Variants in FBXO34 observed in about 807,000 individuals in gnomAD.
FBXO34 encodes F-box protein 34.
Under a neutral mutation model 24.5 loss-of-function variants are expected in FBXO34, and 12 were observed. That is an observed-to-expected ratio of 0.49 (90% CI 0.31 to 0.79). FBXO34 has a LOEUF of 0.79. Among genes scored for constraint, FBXO34 ranks in the 30% least tolerant of loss-of-function variants. FBXO34 has a pLI of 0.04. For synonymous variants in FBXO34, 320 were observed against 311.9 expected (o/e 1.03, Z -0.27); for missense variants, 823 against 857.7 (o/e 0.96, Z 0.51).
the FBXO34 span, chr14:55,378,116 G>A: frequency 6.4e-7 from 1 of 1,552,754 alleles, no homozygotes; most frequent in African/African-American, 1.4e-5. Flanking sequence ...CATTTTTTGA[G>A]GAAATTCTAT....
the FBXO34 span, among the ~76,000 whole-genome samples, chr14:55,405,464 T>G: frequency 1.3e-5 from 2 of 152,228 alleles, no homozygotes; most frequent in Non-Finnish European, 2.9e-5. Flanking sequence ...AATTATAAAG[T>G]AGTATCTATA....
At chr14:55,435,854 T>G in the FBXO34 span, 1 of 1,564,070 alleles carries the variant, frequency 6.4e-7, no homozygotes, top group Non-Finnish European at 8.6e-7. Context: ...TACCTTTGGG[T>G]TATATTCTGC....
intron 1 of FBXO34, among the ~76,000 whole-genome samples, chr14:55,307,713 A>G (rs1039547857): frequency 6.6e-6 from 1 of 152,236 alleles, no homozygotes; most frequent in Non-Finnish European, 1.5e-5. Flanking sequence ...TGGAGGAAAA[A>G]GTAAATATAA....
Position 55,333,733 on chromosome 14 carries a change from T to A in FBXO34, c.-10-16648T>A, listed in dbSNP as rs528861704. 5.3e-5 allele frequency among the ~76,000 whole-genome samples: 8 copies of A among 151,588 alleles called. No individual in the cohort carries two copies. The East Asian group carries it at 7.7e-4, about 15-fold the overall frequency. On this transcript the variant is annotated intron_variant, in intron 1 of 1. Transcript: ENST00000313833. Reference sequence around the variant, plus strand: ...TAATGCTGGGGTGGCTTTTTTTTTTTAAATCTATGTAAACATGACCCTATT... The same window carrying A: ...TAATGCTGGGGTGGCTTTTTTTTTTAAAATCTATGTAAACATGACCCTATT...
At chr14:55,402,962 T>A in the FBXO34 span, among the ~76,000 whole-genome samples, 18 of 59,948 alleles carry the variant, frequency 3.0e-4, no homozygotes, top group Non-Finnish European at 2.2e-4. Context: ...TATATATATA[T>A]ATATATAAAT....
At chr14:55,344,514 C>G (rs776209143) in intron 1 of FBXO34, among the ~76,000 whole-genome samples, 1 of 151,250 alleles carries the variant, frequency 6.6e-6, no homozygotes, top group Non-Finnish European at 1.5e-5. Context: ...CTTGTAGGCA[C>G]TCAAGCCCAA....
intron 1 of FBXO34, among the ~76,000 whole-genome samples, chr14:55,317,714 A>C (rs934179853): frequency 1.2e-4 from 19 of 152,196 alleles, no homozygotes; most frequent in African/African-American, 4.6e-4. Context: ...CAAATACTAC[A>C]AACAACTGCC....
At chr14:55,386,635 G>C in the FBXO34 span, among the ~76,000 whole-genome samples, 1 of 152,160 alleles carries the variant, frequency 6.6e-6, no homozygotes, top group Non-Finnish European at 1.5e-5. Flanking sequence ...GGGTGGGTGG[G>C]AACACATCTG....
chr14:55,387,375 G>T, the FBXO34 span, among the ~76,000 whole-genome samples: 18 of 152,096 alleles, frequency 1.2e-4, no homozygotes, highest in Non-Finnish European at 2.2e-4. Flanking sequence ...CTAACACTCA[G>T]GCTATCTATT....
At chr14:55,408,638 G>A in the FBXO34 span, among the ~76,000 whole-genome samples, 2 of 152,156 alleles carry the variant, frequency 1.3e-5, no homozygotes, top group African/African-American at 4.8e-5. Context: ...AGGTGTGGTG[G>A]AGCATGCCTG....
At chr14:55,294,899 T>C (rs1882068199) in intron 1 of FBXO34, among the ~76,000 whole-genome samples, 2 of 152,216 alleles carry the variant, frequency 1.3e-5, no homozygotes, top group Admixed American at 1.3e-4. Context: ...TGAAAATAAA[T>C]GCATTTAATA....
intron 1 of FBXO34, 122 bp from the exon 2 acceptor site, chr14:55,350,259 T>G (rs1267884026): frequency 1.6e-6 from 1 of 635,374 alleles, no homozygotes; most frequent in Non-Finnish European, 2.5e-6. Context: ...TGGTAAAGAT[T>G]TAATGAACTG....
At chr14:55,332,980 T>C (rs1476298762) in intron 1 of FBXO34, among the ~76,000 whole-genome samples, 1 of 152,152 alleles carries the variant, frequency 6.6e-6, no homozygotes, top group Non-Finnish European at 1.5e-5. Flanking sequence ...CCAAATGAGA[T>C]GTTTGTGAAA....
At chr14:55,432,468 T>G in the FBXO34 span, among the ~76,000 whole-genome samples, 1,181 of 132,690 alleles carry the variant, frequency 8.9e-3, 9 homozygotes, top group African/African-American at 0.029. Context: ...TAAAATACCA[T>G]AAACAGTAAT....
intron 1 of FBXO34, among the ~76,000 whole-genome samples, chr14:55,295,039 CATTT>C (rs1160388937): frequency 6.6e-6 from 1 of 152,214 alleles, no homozygotes; most frequent in Admixed American, 6.5e-5. Context: ...CTGAATATCT[CATTT>C]ACTTTATTGA....
the FBXO34 span, among the ~76,000 whole-genome samples, chr14:55,422,457 G>T: frequency 6.6e-6 from 1 of 152,062 alleles, no homozygotes; most frequent in South Asian, 2.1e-4. Context: ...CACCATGTTG[G>T]CCAGGCTCAT....
chr14:55,375,490 A>ATTTTTTTT, the FBXO34 span, among the ~76,000 whole-genome samples: 3 of 117,798 alleles, frequency 2.5e-5, no homozygotes, highest in African/African-American at 1.0e-4. Context: ...GCCGGGCTAA[A>ATTTTTTTT]TTTTTTTTTT....
the FBXO34 span, chr14:55,440,631 G>A: frequency 7.1e-7 from 1 of 1,408,062 alleles, no homozygotes; most frequent in Non-Finnish European, 9.4e-7. Flanking sequence ...CGATGGGCTT[G>A]GAGCGGGATG....
At chr14:55,280,527 C>CTTTTTTTTTTTTTT (rs77678519) in intron 1 of FBXO34, among the ~76,000 whole-genome samples, 1 of 125,910 alleles carries the variant, frequency 7.9e-6, no homozygotes, top group Non-Finnish European at 1.6e-5. Context: ...ATATCAGGAA[C>CTTTTTTTTTTTTTT]TTTTTTTTTT....
Sources: gnomAD v4.1 joint callset for allele counts (sites outside exome capture counted in the v4.1 genomes callset) on GRCh38, gnomAD v4.1.1 for gene constraint, MANE v1.5 for transcripts, NCBI Gene and HGNC (gene_info 2026-07-23, HGNC 2026-07-21) for gene names.